M6PR: variants seen among roughly 807,000 people sequenced by gnomAD.
M6PR encodes cation-dependent mannose-6-phosphate receptor.
In M6PR, 19 loss-of-function variants were observed where a neutral mutation model predicts 33.1. That is an observed-to-expected ratio of 0.57 (90% CI 0.40 to 0.84). The LOEUF (loss-of-function observed/expected upper bound fraction) is 0.84, where lower values mean the gene tolerates loss of function less well. Ranked by LOEUF, M6PR falls within the 40% of genes least tolerant of loss-of-function variation. The pLI is 0.00. For synonymous variants in M6PR, 111 were observed against 123.4 expected (o/e 0.90, Z 0.67); for missense variants, 295 against 336.0 (o/e 0.88, Z 0.95).
Position 8,942,103 on chromosome 12 carries a change from A to G in M6PR, c.712-163T>C, listed in dbSNP as rs144092346. 2.5e-3 allele frequency: 2,059 copies of G among 839,730 alleles called. 20 individuals are homozygous for G. The highest frequency in any genetic ancestry group is 0.014 in the South Asian group (756 of 54,622). The allele number at this position is 839,730 out of a possible 1,614,324, so 52.0% of individuals were successfully genotyped here. On this transcript the variant is annotated intron_variant, in intron 6 of 6. Transcript: ENST00000000412. ...CAGCCTAAATTCAATTTGGGGCAAC[A>G]GGAGAAAAAGTTTCTTCTTATTAGG... is the stretch of plus-strand genomic sequence containing the variant.
At chr12:8,945,794 CTT>C (rs981590293) in intron 2 of M6PR, among the ~76,000 whole-genome samples, 2 of 152,160 alleles carry the variant, frequency 1.3e-5, no homozygotes, top group Admixed American at 6.5e-5. Flanking sequence ...TTAAAACACA[CTT>C]GAGCTATCTT....
intron 5 of M6PR, 29 bp downstream of exon 5, chr12:8,943,372 AAGGT>A: frequency 6.2e-7 from 1 of 1,612,886 alleles, no homozygotes; most frequent in Non-Finnish European, 8.5e-7. Flanking sequence ...AAAAGGAAGG[AAGGT>A]CTGTTCTGAT....
chr12:8,946,267 CAA>C lies in M6PR; in HGVS notation c.136_137del (p.Leu46GlyfsTer11). On this transcript the variant is annotated frameshift_variant, in exon 2 of 7. Coordinates refer to ENST00000000412, the MANE Select transcript of M6PR (RefSeq NM_002355.4). LOFTEE classifies it high-confidence loss of function. ...GTGGTTTCAGCCTCTTCACTAGAGC[CAA>C]CTCTTTCTCTGACTCTTTACCCTTT... ...GEKGKESEKE[L>X]ALVKRLKPLF... 6.8e-6 allele frequency: 11 copies of C among 1,614,164 alleles called. No homozygotes were observed. The highest frequency in any genetic ancestry group is 9.3e-6 in the Non-Finnish European group (11 of 1,180,016).
chr12:8,943,465 C>T lies in M6PR; in HGVS notation c.524G>A (p.Ser175Asn). ...QDCFYLFEMD[S>N]SLACSPEISH... ...GATCTCTGGTGAACAGGCCAGGCTGCTATCCATCTCAAAGAGGTAGAAACA... is the reference window on the plus strand; with the variant it reads ...GATCTCTGGTGAACAGGCCAGGCTGTTATCCATCTCAAAGAGGTAGAAACA... Residue 175 changes from serine to asparagine, a missense_variant, in exon 5 of 7, where the codon AGC becomes AAC. Ser to Asn is a conservative substitution (Grantham distance 46, BLOSUM62 1). Coordinates refer to ENST00000000412, the MANE Select transcript of M6PR (RefSeq NM_002355.4). 1 of 1,614,178 alleles carries T rather than the reference C, an allele frequency of 6.2e-7. No individual in the cohort carries two copies. The highest frequency in any genetic ancestry group is 8.5e-7 in the Non-Finnish European group (1 of 1,180,024).
chr12:8,944,157 G>A (rs771432607), intron 3 of M6PR, among the ~76,000 whole-genome samples: 8 of 152,168 alleles, frequency 5.3e-5, no homozygotes, highest in African/African-American at 1.7e-4. Context: ...TTAAAGGTAG[G>A]CAACTGACAA....
intron 5 of M6PR, among the ~76,000 whole-genome samples, chr12:8,942,890 A>G (rs1592221609): frequency 6.6e-6 from 1 of 152,176 alleles, no homozygotes; most frequent in Admixed American, 6.5e-5. Context: ...AGCACCTCCA[A>G]ATGCAAATCT....
chr12:8,943,089 G>T lies in M6PR; in HGVS notation c.584+316C>A, dbSNP rs139457094. 3.0e-3 allele frequency among the ~76,000 whole-genome samples: 460 copies of T among 152,168 alleles called. 2 individuals are homozygous for T. The highest frequency in any genetic ancestry group is 0.011 in the African/African-American group (440 of 41,520). ...CTGCCTCAGCCTCCCAAGTAGCTGGGATTACAGGCATGTGCCACTGTGCTG... is the reference window on the plus strand; with the variant it reads ...CTGCCTCAGCCTCCCAAGTAGCTGGTATTACAGGCATGTGCCACTGTGCTG... On this transcript the variant is annotated intron_variant, in intron 5 of 6. Coordinates refer to ENST00000000412, the MANE Select transcript of M6PR (RefSeq NM_002355.4).
At chr12:8,948,869 T>C (rs554211375) in intron 1 of M6PR, among the ~76,000 whole-genome samples, 2 of 152,300 alleles carry the variant, frequency 1.3e-5, no homozygotes, top group African/African-American at 4.8e-5. Flanking sequence ...CCTTATCCCT[T>C]TTTCTCCAGC....
In M6PR at chr12:8,943,888, A is replaced by G. The variant is rs747714515; in HGVS notation, c.366T>C (p.Tyr122=). 6.2e-7 allele frequency: 1 copy of G among 1,613,516 alleles called. No individual in the cohort carries two copies. The highest frequency in any genetic ancestry group is 1.1e-5 in the South Asian group (1 of 91,054). The change falls in exon 4 of 7, where the codon TAT becomes TAC. Residue 122 remains tyrosine (Y), a synonymous_variant. Coordinates refer to ENST00000000412, the MANE Select transcript of M6PR (RefSeq NM_002355.4). ...FNGSNWIMLI[Y]KGGDEYDNHC... Reference sequence around the variant, plus strand: ...GGTTGTCATATTCATCACCCCCTTTATAGATCAGCATGATCCAATTACCTG... The same window carrying G: ...GGTTGTCATATTCATCACCCCCTTTGTAGATCAGCATGATCCAATTACCTG...
chr12:8,943,902 T>C lies in M6PR; in HGVS notation c.352A>G (p.Ile118Val). 1 of 1,610,586 alleles carries C rather than the reference T, an allele frequency of 6.2e-7. No homozygotes were observed. The highest frequency in any genetic ancestry group is 1.7e-5 in the Admixed American group (1 of 60,006). The change falls in exon 4 of 7, where the codon ATC (isoleucine) becomes GTC (valine). Residue 118 changes from isoleucine to valine, a missense_variant. By Grantham distance (29) the Ile-to-Val change is conservative. Coordinates refer to ENST00000000412, the MANE Select transcript of M6PR (RefSeq NM_002355.4). ...TCACCCCCTTTATAGATCAGCATGATCCAATTACCTGAGGAGGGACAAGGA... is the reference window on the plus strand; with the variant it reads ...TCACCCCCTTTATAGATCAGCATGACCCAATTACCTGAGGAGGGACAAGGA... Reference protein sequence around the residue: ...ETHIFNGSNWIMLIYKGGDEY... With the variant: ...ETHIFNGSNWVMLIYKGGDEY...
intron 1 of M6PR, among the ~76,000 whole-genome samples, chr12:8,947,670 C>T (rs1435527168): frequency 6.6e-6 from 1 of 152,142 alleles, no homozygotes; most frequent in Non-Finnish European, 1.5e-5. Flanking sequence ...TGAGTAAATA[C>T]AATTATTGTT....
chr12:8,942,623 C>A, intron 5 of M6PR, 81 bp from the exon 6 acceptor site: 2 of 1,447,618 alleles, frequency 1.4e-6, no homozygotes, highest in Non-Finnish European at 1.9e-6. Flanking sequence ...CATTTATTGT[C>A]AGCTGTTTCC....
At chr12:8,941,989 G>GGATATGAGAAAGTGTACT (rs1946018464) in intron 6 of M6PR, 49 bp from the exon 7 acceptor site, 2 of 1,604,052 alleles carry the variant, frequency 1.2e-6, no homozygotes, top group Non-Finnish European at 1.7e-6. Context: ...TCTAACTTTA[G>GGATATGAGAAAGTGTACT]GATATGAGAA....
chr12:8,941,815 A>T lies in M6PR; in HGVS notation c.*3T>A. On this transcript the variant is annotated 3_prime_UTR_variant, in exon 7 of 7. Transcript: ENST00000000412. ...GGAAGAGGCTGGACATATAAAGTGC[A>T]ATCTACATTGGTAATAAATGGTCAT... The T allele has an allele frequency of 6.2e-7, 1 of 1,614,126 alleles. No individual in the cohort carries two copies. Among genetic ancestry groups the T allele is most frequent in the Non-Finnish European group, 8.5e-7 (1 of 1,180,010 alleles).
chr12:8,945,310 C>T (rs937150017), intron 3 of M6PR, 108 bp downstream of exon 3: 8 of 1,160,862 alleles, frequency 6.9e-6, no homozygotes, highest in African/African-American at 3.1e-5. Flanking sequence ...CCGAACCACA[C>T]GTATGATATG....
At chr12:8,942,665 T>A in intron 5 of M6PR, 123 bp from the exon 6 acceptor site, 1 of 1,050,118 alleles carries the variant, frequency 9.5e-7, no homozygotes, top group Non-Finnish European at 1.4e-6. Flanking sequence ...GAAAAATGAG[T>A]AGTGATACTA....
At chr12:8,944,667 T>C (rs1410984403) in intron 3 of M6PR, among the ~76,000 whole-genome samples, 2 of 152,166 alleles carry the variant, frequency 1.3e-5, no homozygotes, top group South Asian at 2.1e-4. Context: ...TTAAGAAATA[T>C]CACCACCATA....
chr12:8,943,325 G>A (rs919653607), intron 5 of M6PR, 80 bp downstream of exon 5: 5 of 1,507,106 alleles, frequency 3.3e-6, no homozygotes, highest in Non-Finnish European at 4.6e-6. Context: ...TACAATTTGT[G>A]CTTATGTACC....
In M6PR at chr12:8,946,371, G is replaced by A. The variant is rs1210192505; in HGVS notation, c.34C>T (p.Leu12=). 6.2e-7 allele frequency: 1 copy of A among 1,613,866 alleles called. No homozygotes were observed. The highest frequency in any genetic ancestry group is 2.2e-5 in the East Asian group (1 of 44,798). Residue 12 remains leucine (L), a synonymous_variant, in exon 2 of 7, where the codon CTG becomes TTG. Coordinates refer to ENST00000000412, the MANE Select transcript of M6PR (RefSeq NM_002355.4). ...FPFYSCWRTG[L]LLLLLAVAVR... Reference sequence around the variant, plus strand: ...GCCACAGCCAGGAGTAGTAGTAGCAGTCCAGTCCTCCAGCAGCTGTAGAAA... The same window carrying A: ...GCCACAGCCAGGAGTAGTAGTAGCAATCCAGTCCTCCAGCAGCTGTAGAAA...
Sources: gnomAD v4.1 joint callset for allele counts (sites outside exome capture counted in the v4.1 genomes callset) on GRCh38, gnomAD v4.1.1 for gene constraint, MANE v1.5 for transcripts, NCBI Gene and HGNC (gene_info 2026-07-23, HGNC 2026-07-21) for gene names.